The following C3orf20 variants were observed in gnomAD, a reference collection of about 807,000 sequenced individuals.
The protein encoded by C3orf20 is uncharacterized protein C3orf20.
Under a neutral mutation model 88.3 loss-of-function variants are expected in C3orf20, and 76 were observed. That is an observed-to-expected ratio of 0.86 (90% CI 0.72 to 1.04). The LOEUF (loss-of-function observed/expected upper bound fraction) is 1.04. C3orf20 is among the 50% of genes least tolerant of loss of function. C3orf20 has a pLI of 0.00. For missense variants in C3orf20, 1,056 were observed against 1,123.3 expected, an observed-to-expected ratio of 0.94 and a Z score of 0.86; for synonymous variants, 436 against 437.4, an observed-to-expected ratio of 1.00 and a Z score of 0.04.
At chr3:14,676,113 C>G (rs531133908) in intron 1 of C3orf20, among the ~76,000 whole-genome samples, 1 of 137,574 alleles carries the variant, frequency 7.3e-6, no homozygotes, top group Admixed American at 7.7e-5. Flanking sequence ...CCCTCCCCCC[C>G]GCCTTTTTTT....
chr3:14,767,994 T>A (rs1051236791), intron 15 of C3orf20, among the ~76,000 whole-genome samples: 12 of 152,232 alleles, frequency 7.9e-5, no homozygotes. Flanking sequence ...TGAGACCTGA[T>A]AAAGACAGAG....
At chr3:14,771,306 C>G (rs1391687487) in intron 15 of C3orf20, among the ~76,000 whole-genome samples, 1 of 152,234 alleles carries the variant, frequency 6.6e-6, no homozygotes, top group African/African-American at 2.4e-5. Context: ...GCCACCCAGC[C>G]TATGGTATTT....
intron 13 of C3orf20, 125 bp downstream of exon 13, chr3:14,757,799 C>T (rs888163893): frequency 2.4e-6 from 2 of 839,230 alleles, no homozygotes; most frequent in Non-Finnish European, 3.6e-6. Context: ...TCCTTCAGCT[C>T]CTTTCTCCTT....
intron 15 of C3orf20, among the ~76,000 whole-genome samples, chr3:14,769,919 G>A (rs1008050602): frequency 6.6e-6 from 1 of 151,468 alleles, no homozygotes; most frequent in Non-Finnish European, 1.5e-5. Flanking sequence ...GGGAGGAGGT[G>A]CTCTGGGAAT....
intron 7 of C3orf20, among the ~76,000 whole-genome samples, chr3:14,706,900 G>C (rs1461065422): frequency 6.6e-6 from 1 of 152,040 alleles, no homozygotes; most frequent in African/African-American, 2.4e-5. Flanking sequence ...TAGAACACTG[G>C]GCTCAGCAGT....
chr3:14,733,143 A>C (rs1467298355), intron 12 of C3orf20, among the ~76,000 whole-genome samples: 3 of 152,078 alleles, frequency 2.0e-5, no homozygotes, highest in Non-Finnish European at 4.4e-5. Context: ...TATTTTGTTG[A>C]AGAGTTTTTC....
At position 14,728,445 on chromosome 3, in the gene C3orf20, T is replaced by G; in HGVS notation, c.1697T>G (p.Phe566Cys). 6.2e-7 allele frequency: 1 copy of G among 1,614,126 alleles called. No individual in the cohort carries two copies. The highest frequency in any genetic ancestry group is 8.5e-7 in the Non-Finnish European group (1 of 1,180,032). ...CAGCATCTTCTGTTAACAGGTCTGT[T>G]TACCATTGAATATCCCACCAAAAAG... is the stretch of plus-strand genomic sequence containing the variant. ...INSILLAAGLFTIEYPTKKEE... is the reference protein window; with the variant it reads ...INSILLAAGLCTIEYPTKKEE... Residue 566 changes from phenylalanine (F) to cysteine (C), a missense_variant, in exon 12 of 17, where the codon TTT becomes TGT. Coordinates refer to ENST00000253697, the MANE Select transcript of C3orf20 (RefSeq NM_032137.5).
In C3orf20 at chr3:14,682,953, C is replaced by A; in HGVS notation, c.240C>A (p.Leu80=). The A allele has an allele frequency of 6.2e-7, 1 of 1,614,182 alleles. No homozygotes were observed. ...EVSFGAPLVV[L]MEPTFVQVPT... is the part of the protein sequence containing the mutation. ...GCTTTGGAGCCCCCCTGGTGGTGCT[C>A]ATGGAACCCACCTTTGTGCAGGTCC... The change falls in exon 3 of 17, where the codon CTC becomes CTA. Residue 80 remains leucine, a synonymous_variant. Transcript: ENST00000253697.
chr3:14,693,807 G>A (rs991440938), intron 5 of C3orf20, among the ~76,000 whole-genome samples: 4 of 152,144 alleles, frequency 2.6e-5, no homozygotes, highest in Non-Finnish European at 4.4e-5. Flanking sequence ...TCCCCATTCA[G>A]TATGATATTA....
rs1455067917 is a variant in C3orf20 at position 14,772,667 on chromosome 3, A to G, written c.2631-124A>G. 2 of 720,170 alleles carry G rather than the reference A, an allele frequency of 2.8e-6. No homozygotes were observed. Among genetic ancestry groups the G allele is most frequent in the East Asian group, 5.3e-5 (2 of 37,508 alleles). The allele number at this position is 720,170 out of a possible 1,614,324, so 44.6% of individuals were successfully genotyped here. A position where few individuals can be genotyped will look rare whatever the true frequency, so the allele number is the denominator to read the frequency against. On this transcript the variant is annotated intron_variant, in intron 16 of 16. Transcript: ENST00000253697. The surrounding 1 kb of genome is among the most constrained non-coding windows in gnomAD (Gnocchi z 4.2). ...GCCACCGGGGCCCTCTGGTTGGAAC[A>G]GCACCCAACAGCCTCACCTGTGCAA...
At chr3:14,700,321 C>G (rs1050812719) in intron 5 of C3orf20, among the ~76,000 whole-genome samples, 2 of 152,146 alleles carry the variant, frequency 1.3e-5, no homozygotes, top group Non-Finnish European at 2.9e-5. Context: ...TTCTATTTGG[C>G]CATCTTTCCC....
At chr3:14,698,878 C>T (rs1211904690) in intron 5 of C3orf20, among the ~76,000 whole-genome samples, 1 of 152,178 alleles carries the variant, frequency 6.6e-6, no homozygotes, top group Non-Finnish European at 1.5e-5. Context: ...TCCCTCAGGC[C>T]CCAGGCAGGT....
rs138334399 is a variant in C3orf20, at chr3:14,769,848, C to T, written c.2496-2219C>T. ...TGGGGACATTTCCCAACTGCTGGGACGGAGGGGCTGGCTGTGAACTCAGGG... is the reference window on the plus strand; with the variant it reads ...TGGGGACATTTCCCAACTGCTGGGATGGAGGGGCTGGCTGTGAACTCAGGG... On this transcript the variant is annotated intron_variant, in intron 15 of 16. Coordinates refer to ENST00000253697, the MANE Select transcript of C3orf20 (RefSeq NM_032137.5). Among the ~76,000 whole-genome samples the T allele has an allele frequency of 3.8e-3, 576 of 151,974 alleles. 6 individuals are homozygous for T. Among genetic ancestry groups the T allele is most frequent in the African/African-American group, 0.013 (553 of 41,426 alleles).
chr3:14,747,055 A>C (rs772116510), intron 12 of C3orf20, among the ~76,000 whole-genome samples: 2 of 152,234 alleles, frequency 1.3e-5, no homozygotes, highest in African/African-American at 2.4e-5. Flanking sequence ...AATTAAAGCA[A>C]AGAGTGGCAA....
At chr3:14,764,507 A>ATGGTTG (rs2035648598) in intron 15 of C3orf20, among the ~76,000 whole-genome samples, 1 of 132,758 alleles carries the variant, frequency 7.5e-6, no homozygotes, top group African/African-American at 3.1e-5. Context: ...TATTATTATT[A>ATGGTTG]TTGTTGTTGT....
rs200016155 is a variant in C3orf20 at position 14,761,641 on chromosome 3, G to A, written c.2495+26G>A. On this transcript the variant is annotated intron_variant, in intron 15 of 16. Transcript: ENST00000253697. ...GTAAAACAGGAAACACGCAGGATGAGGGATGGGCCTGGGGAGGTATGGAGG... is the reference window on the plus strand; with the variant it reads ...GTAAAACAGGAAACACGCAGGATGAAGGATGGGCCTGGGGAGGTATGGAGG... 5.7e-5 allele frequency: 92 copies of A among 1,613,566 alleles called. 1 individual carries two copies. In the Admixed American group the frequency reaches 1.1e-3, roughly 20 times the overall value.
intron 7 of C3orf20, among the ~76,000 whole-genome samples, chr3:14,705,567 GA>G (rs2033464699): frequency 6.6e-6 from 1 of 152,300 alleles, no homozygotes; most frequent in Admixed American, 6.5e-5. Flanking sequence ...AAGCAAAAAA[GA>G]GGGCTCCCTT....
intron 4 of C3orf20, among the ~76,000 whole-genome samples, chr3:14,688,977 T>A (rs1040106428): frequency 6.6e-6 from 1 of 152,172 alleles, no homozygotes; most frequent in African/African-American, 2.4e-5. Flanking sequence ...AGGCTTTTTG[T>A]TATTTGTATA....
intron 15 of C3orf20, among the ~76,000 whole-genome samples, chr3:14,764,480 T>TTTTTTATTATTA (rs770013903): frequency 4.0e-5 from 6 of 148,746 alleles, no homozygotes; most frequent in Admixed American, 6.7e-5. Flanking sequence ...AACACAATCG[T>TTTTTTATTATTA]TTATTATTAT....
Sources: gnomAD v4.1 joint callset for allele counts (sites outside exome capture counted in the v4.1 genomes callset) on GRCh38, gnomAD v4.1.1 for gene constraint, Gnocchi (gnomAD v3.1) non-coding constraint, MANE v1.5 for transcripts, NCBI Gene and HGNC (gene_info 2026-07-23, HGNC 2026-07-21) for gene names.